NTNG1: variants seen among roughly 807,000 people sequenced by gnomAD.
NTNG1 encodes the protein netrin-G1.
In NTNG1, 16 loss-of-function variants were observed where a neutral mutation model predicts 54.0. The ratio of observed to expected loss-of-function variants is 0.30; its 90% CI spans 0.20 to 0.45. NTNG1 has a LOEUF of 0.45. Among genes scored for constraint, NTNG1 ranks in the 20% least tolerant of loss-of-function variants. NTNG1 has a pLI of 1.00. For missense variants in NTNG1, 530 were observed against 678.7 expected, an observed-to-expected ratio of 0.78 and a Z score of 2.43; for synonymous variants, 255 against 263.1, an observed-to-expected ratio of 0.97 and a Z score of 0.30.
chr1:107,193,573 A>G (rs1369807119), intron 2 of NTNG1, among the ~76,000 whole-genome samples: 1 of 151,978 alleles, frequency 6.6e-6, no homozygotes, highest in East Asian at 1.9e-4. Flanking sequence ...CAGCCCTTGC[A>G]AGTGTACTTA....
intron 4 of NTNG1, among the ~76,000 whole-genome samples, chr1:107,406,451 C>T (rs147953432): frequency 3.0e-4 from 45 of 152,246 alleles, no homozygotes; most frequent in Admixed American, 1.2e-3. Flanking sequence ...TCGATCCTCA[C>T]GGCAGCCCTA....
intron 2 of NTNG1, among the ~76,000 whole-genome samples, chr1:107,180,815 G>A (rs1657006348): frequency 6.6e-6 from 1 of 152,162 alleles, no homozygotes; most frequent in Admixed American, 6.6e-5. Flanking sequence ...GGATATATGT[G>A]TCCATTGTCC....
At chr1:107,324,137 G>A in intron 2 of NTNG1, 145 bp from the exon 3 acceptor site, 1 of 706,384 alleles carries the variant, frequency 1.4e-6, no homozygotes, top group Non-Finnish European at 2.5e-6. Flanking sequence ...TATTAAAGAG[G>A]AGAATCCAGT....
intron 2 of NTNG1, among the ~76,000 whole-genome samples, chr1:107,275,135 G>C (rs1664382421): frequency 6.6e-6 from 1 of 152,178 alleles, no homozygotes. Context: ...CCAGCACTTT[G>C]GGAGGCTAAG....
At chr1:107,296,176 T>C (rs1424787820) in intron 2 of NTNG1, among the ~76,000 whole-genome samples, 1 of 152,172 alleles carries the variant, frequency 6.6e-6, no homozygotes, top group Non-Finnish European at 1.5e-5. Context: ...TACCTATCAA[T>C]CCTGCACCAA....
intron 3 of NTNG1, among the ~76,000 whole-genome samples, chr1:107,370,480 C>T (rs1247266143): frequency 6.6e-6 from 1 of 151,668 alleles, no homozygotes; most frequent in Non-Finnish European, 1.5e-5. Context: ...TACACTGAAC[C>T]CAATTTGTAG....
At chr1:107,396,247 G>A (rs962379598) in intron 4 of NTNG1, among the ~76,000 whole-genome samples, 8 of 152,110 alleles carry the variant, frequency 5.3e-5, no homozygotes, top group African/African-American at 1.2e-4. Context: ...CACTGCTTCC[G>A]TAGAAGGGTA....
At chr1:107,405,078 T>C (rs1026180059) in intron 4 of NTNG1, among the ~76,000 whole-genome samples, 2 of 152,194 alleles carry the variant, frequency 1.3e-5, no homozygotes, top group Admixed American at 1.3e-4. Context: ...CTTTCCGTCT[T>C]ATCCCCTCAA....
intron 3 of NTNG1, among the ~76,000 whole-genome samples, chr1:107,332,970 G>T (rs531963959): frequency 6.6e-6 from 1 of 152,010 alleles, no homozygotes; most frequent in African/African-American, 2.4e-5. Flanking sequence ...GTATAAATTT[G>T]TTTCTCAACT....
intron 2 of NTNG1, among the ~76,000 whole-genome samples, chr1:107,225,455 T>G (rs1004316908): frequency 2.6e-5 from 4 of 152,174 alleles, no homozygotes; most frequent in African/African-American, 9.6e-5. Flanking sequence ...TGTGTATAGT[T>G]CAGACAACAT....
At position 107,304,139 on chromosome 1, in the gene NTNG1, T is replaced by G. The variant is rs186425434; in HGVS notation, c.247-20143T>G. 9.8e-4 allele frequency among the ~76,000 whole-genome samples: 149 copies of G among 152,306 alleles called. 1 individual carries two copies. The highest frequency in any genetic ancestry group is 3.2e-3 in the African/African-American group (134 of 41,570). On this transcript the variant is annotated intron_variant, in intron 2 of 7. Transcript: ENST00000370068. ...ACTTTCAAGACAAATCAAAAGATTT[T>G]TCTTACTCCTTATCTTCTTTAGAGT...
intron 1 of NTNG1, among the ~76,000 whole-genome samples, chr1:107,143,867 A>C (rs1424136987): frequency 6.6e-6 from 1 of 152,126 alleles, no homozygotes; most frequent in Non-Finnish European, 1.5e-5. Flanking sequence ...ATCATCCTGC[A>C]AAACATGTGC....
At chr1:107,202,023 A>C (rs1658797013) in intron 2 of NTNG1, among the ~76,000 whole-genome samples, 1 of 151,568 alleles carries the variant, frequency 6.6e-6, no homozygotes, top group East Asian at 1.9e-4. Flanking sequence ...TTTGGCTTTA[A>C]ATTTTATTTT....
chr1:107,349,436 T>C (rs1349919756), intron 3 of NTNG1, among the ~76,000 whole-genome samples: 1 of 152,186 alleles, frequency 6.6e-6, no homozygotes, highest in Non-Finnish European at 1.5e-5. Flanking sequence ...AGAATAGATC[T>C]AGGTTAGGGA....
chr1:107,463,732 A>G (rs896542850), intron 7 of NTNG1, among the ~76,000 whole-genome samples: 6 of 152,106 alleles, frequency 3.9e-5, no homozygotes, highest in African/African-American at 1.4e-4. Context: ...TTTACTCACC[A>G]GTCTATATAA....
intron 7 of NTNG1, among the ~76,000 whole-genome samples, chr1:107,472,752 T>TG (rs1252118090): frequency 6.6e-6 from 1 of 152,106 alleles, no homozygotes; most frequent in Non-Finnish European, 1.5e-5. Flanking sequence ...TGTTTTTTTG[T>TG]GGGGCGGGGA....
At chr1:107,205,921 G>A (rs6684684) in intron 2 of NTNG1, among the ~76,000 whole-genome samples, 7,332 of 152,140 alleles carry the variant, frequency 0.048, 558 homozygotes, top group African/African-American at 0.16. Context: ...GTGCTCTTTC[G>A]TATCTGACTT....
At chr1:107,414,911 C>A (rs576707980) in intron 5 of NTNG1, among the ~76,000 whole-genome samples, 2 of 152,214 alleles carry the variant, frequency 1.3e-5, no homozygotes, top group South Asian at 4.2e-4. Flanking sequence ...TTACATGCAC[C>A]ATATCTTAAA....
At chr1:107,351,974 A>G (rs1669643047) in intron 3 of NTNG1, among the ~76,000 whole-genome samples, 1 of 152,238 alleles carries the variant, frequency 6.6e-6, no homozygotes, top group Admixed American at 6.5e-5. Context: ...TAAACCTTAA[A>G]GCTTCAAAAT....
Sources: gnomAD v4.1 joint callset for allele counts (sites outside exome capture counted in the v4.1 genomes callset) on GRCh38, gnomAD v4.1.1 for gene constraint, MANE v1.5 for transcripts, NCBI Gene and HGNC (gene_info 2026-07-23, HGNC 2026-07-21) for gene names.